The following ZPBP variants were observed in gnomAD, a reference collection of about 807,000 sequenced individuals.
ZPBP encodes zona pellucida binding protein.
Under a neutral mutation model 44.8 loss-of-function variants are expected in ZPBP, and 26 were observed. The observed-to-expected ratio is 0.58, with a 90% CI of 0.43 to 0.81. The LOEUF (loss-of-function observed/expected upper bound fraction) is 0.81. ZPBP is among the 30% of genes least tolerant of loss of function. The pLI is 0.00. For synonymous variants in ZPBP, 174 were observed against 153.2 expected, an observed-to-expected ratio of 1.14 and a Z score of -1.00; for missense variants, 409 against 434.0, an observed-to-expected ratio of 0.94 and a Z score of 0.51.
At chr7:49,841,183 C>G in the ZPBP span, among the ~76,000 whole-genome samples, 1 of 152,160 alleles carries the variant, frequency 6.6e-6, no homozygotes. Context: ...GTGCTCCAGA[C>G]TCAAGTAACC....
Position 49,877,480 on chromosome 7 carries a change from AAATATATATATATAT to A in ZPBP, n.509+23623_509+23637del, listed in dbSNP as rs1165000957. 2.6e-4 allele frequency among the ~76,000 whole-genome samples: 6 copies of A among 23,504 alleles called. 1 individual carries two copies. The highest frequency in any genetic ancestry group is 1.1e-3 in the African/African-American group (5 of 4,718). The allele number at this position is 23,504 out of a possible 152,430, so 15.4% of individuals were successfully genotyped here. On this transcript the variant is annotated intron_variant and non_coding_transcript_variant, in intron 2 of 2. Transcript: ENST00000465922. The stretch of plus-strand genomic sequence containing the variant: ...TCTGTCTCAAAAAAAAAAAAAAAAA[AAATATATATATATAT>A]ATATATATATATATATATATATAGT...
chr7:50,083,952 C>A (rs1224930891), intron 2 of ZPBP, among the ~76,000 whole-genome samples: 1 of 151,926 alleles, frequency 6.6e-6, no homozygotes, highest in Non-Finnish European at 1.5e-5. Context: ...ATACTGAACT[C>A]AACTTCTTAA....
chr7:49,890,745 C>A (rs1423597072), intron 2 of ZPBP, among the ~76,000 whole-genome samples: 1 of 140,152 alleles, frequency 7.1e-6, no homozygotes, highest in Non-Finnish European at 1.6e-5. Context: ...AAAAAAAAAA[C>A]TGATTTGAAA....
rs759990985 is a variant in ZPBP at position 50,081,770 on chromosome 7, C to T, written c.334+4G>A. ...TAATTACAATAATTGAAACAAAATC[C>T]TACCTGAAACAACTTTTCCTTTAGG... On this transcript the variant is annotated splice_donor_region_variant and intron_variant, in intron 3 of 7. Coordinates refer to ENST00000046087, the MANE Select transcript of ZPBP (RefSeq NM_007009.3). 1.9e-6 allele frequency: 3 copies of T among 1,610,640 alleles called. No homozygotes were observed. The highest frequency in any genetic ancestry group is 2.2e-5 in the South Asian group (2 of 91,002).
At chr7:49,854,184 CGT>C in intron 2 of ZPBP, among the ~76,000 whole-genome samples, 1 of 152,166 alleles carries the variant, frequency 6.6e-6, no homozygotes, top group East Asian at 1.9e-4. Context: ...TACATGTGCA[CGT>C]GTCTTTATAG....
intron 1 of ZPBP, among the ~76,000 whole-genome samples, chr7:49,930,972 G>C (rs1317495882): frequency 6.6e-6 from 1 of 152,202 alleles, no homozygotes; most frequent in African/African-American, 2.4e-5. Context: ...AGTTTTTCCT[G>C]TGCTGTTCTC....
At chr7:50,092,893 A>C in intron 1 of ZPBP, 175 bp downstream of exon 1, 1 of 971,976 alleles carries the variant, frequency 1.0e-6, no homozygotes, top group African/African-American at 1.7e-5. Context: ...TCCTCTATGC[A>C]AATGCAGAGT....
intron 5 of ZPBP, among the ~76,000 whole-genome samples, chr7:50,021,499 T>G (rs1266054469): frequency 1.3e-5 from 2 of 151,926 alleles, no homozygotes; most frequent in African/African-American, 4.8e-5. Flanking sequence ...AAAAAAATTT[T>G]AAGTGAAGAG....
chr7:50,087,939 A>G (rs1802751792), intron 2 of ZPBP, among the ~76,000 whole-genome samples: 1 of 152,026 alleles, frequency 6.6e-6, no homozygotes, highest in Admixed American at 6.6e-5. Context: ...TGATTCTAGA[A>G]TTAATATGGA....
At chr7:49,998,037 C>A (rs569841366) in intron 6 of ZPBP, among the ~76,000 whole-genome samples, 2 of 152,298 alleles carry the variant, frequency 1.3e-5, no homozygotes, top group South Asian at 4.1e-4. Context: ...CCTGCCTCAG[C>A]CTCCCAAGCA....
intron 7 of ZPBP, chr7:49,944,073 C>A: frequency 4.3e-6 from 1 of 231,968 alleles, no homozygotes; most frequent in South Asian, 6.1e-5. Flanking sequence ...TGGATTCAAT[C>A]TTAGAGAAGA....
intron 2 of ZPBP, among the ~76,000 whole-genome samples, chr7:49,856,411 C>T (rs1432610542): frequency 1.3e-5 from 2 of 152,160 alleles, no homozygotes; most frequent in East Asian, 1.9e-4. Flanking sequence ...TTATGAGTTC[C>T]TGAGGTTCAC....
At chr7:49,940,703 C>A in intron 7 of ZPBP, 1 of 953,256 alleles carries the variant, frequency 1.0e-6, no homozygotes, top group Non-Finnish European at 1.2e-6. Context: ...AAAATTGTGG[C>A]ATTTTTACTC....
intron 7 of ZPBP, chr7:49,942,243 C>T (rs79128558): frequency 6.3e-5 from 12 of 191,628 alleles, no homozygotes; most frequent in Non-Finnish European, 7.4e-5. Flanking sequence ...ACCTTTTAAA[C>T]GTTACTGCTA....
At chr7:50,089,803 G>C (rs527796298) in intron 1 of ZPBP, 94 bp from the exon 2 acceptor site, 4 of 970,398 alleles carry the variant, frequency 4.1e-6, no homozygotes, top group African/African-American at 3.2e-5. Context: ...TTGAAGGGGA[G>C]AGCCATAATT....
chr7:50,033,978 C>T (rs1335247653), intron 4 of ZPBP, among the ~76,000 whole-genome samples: 3 of 152,118 alleles, frequency 2.0e-5, no homozygotes, highest in Non-Finnish European at 2.9e-5. Context: ...CAGGTGTAAG[C>T]CACTGTGCCC....
chr7:50,065,224 C>T lies in ZPBP; in HGVS notation c.335-7083G>A, dbSNP rs1014823497. Among the ~76,000 whole-genome samples the T allele has an allele frequency of 1.4e-5, 2 of 138,282 alleles. 1 individual carries two copies. The highest frequency in any genetic ancestry group is 3.2e-5 in the Non-Finnish European group (2 of 62,038). The allele number at this position is 138,282 out of a possible 152,430, so 90.7% of individuals were successfully genotyped here. A position where few individuals can be genotyped will look rare whatever the true frequency, so the allele number is the denominator to read the frequency against. On this transcript the variant is annotated intron_variant, in intron 3 of 7. Transcript: ENST00000046087. ...TTTAGAGGAATTAGAAAGAGGAAGGCTTGATTGTTTTTAACACACATGCCC... is the reference window on the plus strand; with the variant it reads ...TTTAGAGGAATTAGAAAGAGGAAGGTTTGATTGTTTTTAACACACATGCCC...
At chr7:49,870,451 C>T (rs754335869) in intron 2 of ZPBP, among the ~76,000 whole-genome samples, 8 of 152,110 alleles carry the variant, frequency 5.3e-5, no homozygotes, top group Non-Finnish European at 1.0e-4. Flanking sequence ...GTGGTAGATG[C>T]ATTAGTGTAT....
chr7:50,001,827 A>G (rs1436486791), intron 6 of ZPBP, among the ~76,000 whole-genome samples: 1 of 152,178 alleles, frequency 6.6e-6, no homozygotes, highest in East Asian at 1.9e-4. Context: ...TAGTAGTAAA[A>G]TGTAAAAGAG....
Sources: gnomAD v4.1 joint callset for allele counts (sites outside exome capture counted in the v4.1 genomes callset) on GRCh38, gnomAD v4.1.1 for gene constraint, MANE v1.5 for transcripts, NCBI Gene and HGNC (gene_info 2026-07-23, HGNC 2026-07-21) for gene names.